Variants in SLC6A7 observed in about 807,000 individuals in gnomAD.
SLC6A7 encodes solute carrier family 6 member 7.
In SLC6A7, 58 loss-of-function variants were observed where a neutral mutation model predicts 73.1. The ratio of observed to expected loss-of-function variants is 0.79; its 90% CI spans 0.64 to 0.99. The LOEUF (loss-of-function observed/expected upper bound fraction) is 0.99. Among genes scored for constraint, SLC6A7 ranks in the 50% least tolerant of loss-of-function variants. The pLI is 0.00. For missense variants in SLC6A7, 783 were observed against 831.4 expected, an observed-to-expected ratio of 0.94 and a Z score of 0.72; for synonymous variants, 338 against 338.7, an observed-to-expected ratio of 1.00 and a Z score of 0.02.
At chr5:150,206,734 G>A (rs935453916) in intron 13 of SLC6A7, among the ~76,000 whole-genome samples, 6 of 152,322 alleles carry the variant, frequency 3.9e-5, no homozygotes, top group Admixed American at 1.3e-4. Context: ...TGAACCTCAG[G>A]AGCTCCACCT....
At chr5:150,198,078 A>G (rs1003974850) in intron 4 of SLC6A7, among the ~76,000 whole-genome samples, 3 of 98,828 alleles carry the variant, frequency 3.0e-5, no homozygotes, top group Non-Finnish European at 6.7e-5. Flanking sequence ...AAAGAAAGAA[A>G]GAAAGAAAGA....
chr5:150,205,154 AG>A (rs1753621334), intron 12 of SLC6A7, among the ~76,000 whole-genome samples: 1 of 152,212 alleles, frequency 6.6e-6, no homozygotes. Flanking sequence ...CCCAGGCCCC[AG>A]GGCCTCAGGA....
At chr5:150,206,746 T>C (rs1410285930) in intron 13 of SLC6A7, among the ~76,000 whole-genome samples, 2 of 152,246 alleles carry the variant, frequency 1.3e-5, no homozygotes, top group Non-Finnish European at 2.9e-5. Flanking sequence ...GCTCCACCTC[T>C]GCTCCTTGCT....
At chr5:150,205,133 C>A (rs552455023) in intron 12 of SLC6A7, among the ~76,000 whole-genome samples, 1 of 152,348 alleles carries the variant, frequency 6.6e-6, no homozygotes, top group South Asian at 2.1e-4. Context: ...TGGTTAAATG[C>A]GTGGGTCTTT....
intron 6 of SLC6A7, 21 bp from the exon 7 acceptor site, chr5:150,202,325 CT>C: frequency 6.4e-7 from 1 of 1,564,690 alleles, no homozygotes; most frequent in Non-Finnish European, 8.8e-7. Context: ...CACACCCTCC[CT>C]TTCCATCCTT....
intron 6 of SLC6A7, 126 bp from the exon 7 acceptor site, chr5:150,202,221 G>T: frequency 1.4e-6 from 1 of 698,016 alleles, no homozygotes; most frequent in Non-Finnish European, 2.6e-6. Context: ...TGTGAGCCAG[G>T]CTCATGACCA....
At chr5:150,208,197 A>T (rs1037154059) in intron 13 of SLC6A7, among the ~76,000 whole-genome samples, 1 of 147,992 alleles carries the variant, frequency 6.8e-6, no homozygotes, top group African/African-American at 2.5e-5. Flanking sequence ...TTCTGCACTT[A>T]AAAAAAAAAG....
chr5:150,208,463 G>A (rs1753805978), intron 13 of SLC6A7, among the ~76,000 whole-genome samples: 1 of 152,184 alleles, frequency 6.6e-6, no homozygotes, highest in South Asian at 2.1e-4. Context: ...AGGGAGGTAG[G>A]CAGGGGCCAG....
chr5:150,203,073 CAA>C (rs552671431), intron 8 of SLC6A7, among the ~76,000 whole-genome samples: 84 of 125,288 alleles, frequency 6.7e-4, no homozygotes, highest in South Asian at 1.0e-3. Context: ...GACTCTGCCT[CAA>C]AAAAAAAAAA....
At chr5:150,199,172 T>C (rs1753236572) in intron 4 of SLC6A7, 56 bp from the exon 5 acceptor site, 3 of 1,519,042 alleles carry the variant, frequency 2.0e-6, no homozygotes, top group Non-Finnish European at 2.6e-6. Context: ...CTTGACTCCA[T>C]GTCTGTGGAG....
Position 150,190,370 on chromosome 5 carries a change from G to A in SLC6A7, c.33+10G>A, listed in dbSNP as rs1339803509. Reference sequence around the variant, plus strand: ...AGCTCACCTCCGCAAGGTAGGGCACGAGGGCGGGGGCGCTGGGGGTGCACC... The same window carrying A: ...AGCTCACCTCCGCAAGGTAGGGCACAAGGGCGGGGGCGCTGGGGGTGCACC... On this transcript the variant is annotated intron_variant, in intron 1 of 13. Transcript: ENST00000230671. The A allele has an allele frequency of 4.6e-5, 68 of 1,487,150 alleles. No homozygotes were observed. In the East Asian group the frequency reaches 1.9e-3, roughly 42 times the overall value. 92.1% of individuals were successfully genotyped at this position (1,487,150 alleles called of 1,614,324 possible). A position where few individuals can be genotyped will look rare whatever the true frequency, so the allele number is the denominator to read the frequency against.
At chr5:150,198,279 A>G (rs1021142403) in intron 4 of SLC6A7, among the ~76,000 whole-genome samples, 7 of 152,028 alleles carry the variant, frequency 4.6e-5, no homozygotes, top group Non-Finnish European at 8.8e-5. Flanking sequence ...TTGGCTGGCC[A>G]GAGAACACAG....
chr5:150,204,066 G>A (rs1420699273), intron 10 of SLC6A7, 28 bp downstream of exon 10: 2 of 1,606,086 alleles, frequency 1.2e-6, no homozygotes, highest in Non-Finnish European at 1.7e-6. Flanking sequence ...GAGGATGGCA[G>A]GTGGGCGGGA....
In SLC6A7 at chr5:150,209,652, C is replaced by T. The variant is rs1753875567; in HGVS notation, c.*37C>T. On this transcript the variant is annotated 3_prime_UTR_variant, in exon 14 of 14. Transcript: ENST00000230671. Reference sequence around the variant, plus strand: ...GGCGGGCAGAAGGCCCTGCCCGGGACCTCACAGTCCCTTCTTAGAAGCCTG... The same window carrying T: ...GGCGGGCAGAAGGCCCTGCCCGGGATCTCACAGTCCCTTCTTAGAAGCCTG... The T allele has an allele frequency of 5.5e-6, 8 of 1,464,006 alleles. No individual in the cohort carries two copies. The highest frequency in any genetic ancestry group is 7.5e-6 in the Non-Finnish European group (8 of 1,065,448). The allele number at this position is 1,464,006 out of a possible 1,614,324, so 90.7% of individuals were successfully genotyped here.
chr5:150,207,080 G>C (rs1321571291), intron 13 of SLC6A7, among the ~76,000 whole-genome samples: 1 of 152,222 alleles, frequency 6.6e-6, no homozygotes, highest in East Asian at 1.9e-4. Context: ...CCATTTGCCA[G>C]CCTCGCGGCC....
chr5:150,200,144 C>T (rs1753290902), intron 5 of SLC6A7, among the ~76,000 whole-genome samples: 2 of 152,110 alleles, frequency 1.3e-5, no homozygotes, highest in South Asian at 4.1e-4. Context: ...GAAGACAAAG[C>T]CACGGATGTC....
chr5:150,197,290 T>G lies in SLC6A7; in HGVS notation c.584+14T>G. 6.4e-7 allele frequency: 1 copy of G among 1,552,642 alleles called. No homozygotes were observed. Among genetic ancestry groups the G allele is most frequent in the Non-Finnish European group, 8.8e-7 (1 of 1,134,682 alleles). On this transcript the variant is annotated intron_variant, in intron 4 of 13. Transcript: ENST00000230671. ...GGAGTACTGGAGGTCAGGCAGCTGC[T>G]GGCCCCGCGGCATCTGAGGGGACCC...
chr5:150,200,694 G>C (rs1056860830), intron 5 of SLC6A7, among the ~76,000 whole-genome samples: 6 of 152,208 alleles, frequency 3.9e-5, no homozygotes, highest in African/African-American at 1.4e-4. Flanking sequence ...AGGCAGTGAG[G>C]ACGCTGAGAC....
rs537312487 is a variant in SLC6A7, at chr5:150,210,037, T to C, written c.*422T>C. On this transcript the variant is annotated 3_prime_UTR_variant, in exon 14 of 14. Coordinates refer to ENST00000230671, the MANE Select transcript of SLC6A7 (RefSeq NM_014228.5). ...CACCCCTCCCTTTTTGGGGGGAGCCTGTCCCCACACACCTTAGCACAACCA... is the reference window on the plus strand; with the variant it reads ...CACCCCTCCCTTTTTGGGGGGAGCCCGTCCCCACACACCTTAGCACAACCA... 5 of 222,582 alleles carry C rather than the reference T, an allele frequency of 2.2e-5. No individual in the cohort carries two copies. The highest frequency in any genetic ancestry group is 4.6e-5 in the Non-Finnish European group (5 of 109,594). 13.8% of individuals were successfully genotyped at this position (222,582 alleles called of 1,614,324 possible). A position where few individuals can be genotyped will look rare whatever the true frequency, so the allele number is the denominator to read the frequency against.
Sources: gnomAD v4.1 joint callset for allele counts (sites outside exome capture counted in the v4.1 genomes callset) on GRCh38, gnomAD v4.1.1 for gene constraint, MANE v1.5 for transcripts, NCBI Gene and HGNC (gene_info 2026-07-23, HGNC 2026-07-21) for gene names.